The following UFL1 variants were observed in gnomAD, a reference collection of about 807,000 sequenced individuals.
The protein encoded by UFL1 is E3 UFM1-protein ligase 1.
A neutral mutation model predicts 99.3 loss-of-function variants in UFL1; 78 were observed. The observed-to-expected ratio is 0.79, with a 90% CI of 0.65 to 0.95. The LOEUF is 0.95. Ranked by LOEUF, UFL1 falls within the 40% of genes least tolerant of loss-of-function variation. UFL1 has a pLI of 0.00. For missense variants in UFL1, 936 were observed against 937.0 expected, an observed-to-expected ratio of 1.00 and a Z score of 0.01; for synonymous variants, 335 against 322.2, an observed-to-expected ratio of 1.04 and a Z score of -0.42.
At position 96,522,033 on chromosome 6, in the gene UFL1, C is replaced by T. The variant is rs1028559844; in HGVS notation, c.77+83C>T. On this transcript the variant is annotated intron_variant, in intron 1 of 18. Coordinates refer to ENST00000369278, the MANE Select transcript of UFL1 (RefSeq NM_015323.5). ...TGTATCTGGGACTTTAGACCCGCGGCCCTGCATCCCGGGTCTTCTCGCTGC... is the reference window on the plus strand; with the variant it reads ...TGTATCTGGGACTTTAGACCCGCGGTCCTGCATCCCGGGTCTTCTCGCTGC... The T allele has an allele frequency of 8.4e-6, 12 of 1,429,762 alleles. No individual in the cohort carries two copies. The African/African-American group carries it at 1.4e-4, about 17-fold the overall frequency. The allele number at this position is 1,429,762 out of a possible 1,614,324, so 88.6% of individuals were successfully genotyped here.
chr6:96,550,964 C>G (rs1001811854), intron 15 of UFL1, among the ~76,000 whole-genome samples: 2 of 151,966 alleles, frequency 1.3e-5, no homozygotes, highest in African/African-American at 4.8e-5. Context: ...CATAAAACTT[C>G]AGTGGACACT....
intron 6 of UFL1, 112 bp downstream of exon 6, chr6:96,528,744 C>T (rs1769738432): frequency 3.0e-6 from 4 of 1,323,372 alleles, no homozygotes; most frequent in Non-Finnish European, 1.0e-6. Context: ...ATTTAGGACC[C>T]CAGTTTATTA....
chr6:96,540,650 C>T lies in UFL1; in HGVS notation c.1274C>T (p.Ala425Val). Residue 425 changes from alanine to valine, a missense_variant, in exon 11 of 19, where the codon GCA becomes GTA. Coordinates refer to ENST00000369278, the MANE Select transcript of UFL1 (RefSeq NM_015323.5). ...AAAAAAGATGAGCGAAGAAGGAAAG[C>T]AACAGGTAATAAATTGTTAACAAGG... ...KDKKDERRRKATEGSGSMRGG... is the reference protein window; with the variant it reads ...KDKKDERRRKVTEGSGSMRGG... 1 of 1,593,904 alleles carries T rather than the reference C, an allele frequency of 6.3e-7. No homozygotes were observed. Among genetic ancestry groups the T allele is most frequent in the Non-Finnish European group, 8.5e-7 (1 of 1,172,820 alleles).
At chr6:96,540,464 A>G in intron 10 of UFL1, 71 bp from the exon 11 acceptor site, 2 of 1,525,278 alleles carry the variant, frequency 1.3e-6, no homozygotes, top group African/African-American at 2.8e-5. Context: ...ATTAGTGAGT[A>G]TATAAACAAC....
At chr6:96,548,358 T>G in intron 13 of UFL1, 77 bp downstream of exon 13, 1 of 937,396 alleles carries the variant, frequency 1.1e-6, no homozygotes, top group Non-Finnish European at 1.6e-6. Context: ...TCCAAGATCA[T>G]AGAAAGCAAA....
rs1367647451 is a variant in UFL1 at position 96,551,518 on chromosome 6, G to A, written c.1899+5G>A. ...CATAACTCTCTGAATGAAAAGGTAA[G>A]TAAAGTTTTATTCTATTTACATGTC... On this transcript the variant is annotated splice_donor_5th_base_variant and intron_variant, in intron 16 of 18. Transcript: ENST00000369278. 6.6e-7 allele frequency: 1 copy of A among 1,505,982 alleles called. No individual in the cohort carries two copies. Among genetic ancestry groups the A allele is most frequent in the African/African-American group, 1.4e-5 (1 of 69,070 alleles). The allele number at this position is 1,505,982 out of a possible 1,614,324, so 93.3% of individuals were successfully genotyped here.
intron 11 of UFL1, among the ~76,000 whole-genome samples, chr6:96,540,948 T>C (rs543058026): frequency 6.6e-6 from 1 of 151,548 alleles, no homozygotes; most frequent in East Asian, 1.9e-4. Context: ...TTTTTTGTTT[T>C]GTTTTGTTTT....
intron 6 of UFL1, among the ~76,000 whole-genome samples, chr6:96,532,082 T>A (rs1305729641): frequency 2.6e-5 from 4 of 152,198 alleles, no homozygotes; most frequent in African/African-American, 9.7e-5. Context: ...AAGCAGTTAG[T>A]GAGAAGAATG....
At chr6:96,525,804 A>T (rs1040096022) in intron 4 of UFL1, among the ~76,000 whole-genome samples, 1 of 152,140 alleles carries the variant, frequency 6.6e-6, no homozygotes, top group African/African-American at 2.4e-5. Context: ...TATAATCTTA[A>T]CTCTGAAAGC....
Position 96,538,636 on chromosome 6 carries a change from G to T in UFL1, c.984G>T (p.Leu328=). 6.2e-7 allele frequency: 1 copy of T among 1,610,418 alleles called. No homozygotes were observed. Among genetic ancestry groups the T allele is most frequent in the South Asian group, 1.1e-5 (1 of 90,974 alleles). Residue 328 remains leucine (L), a synonymous_variant, in exon 10 of 19, where the codon CTG becomes CTT. Transcript: ENST00000369278. ...SSGTWVDIAP[L]LPTSLSVEDA... ...TATTTTGTTTGTAATTCTAGCCTCT[G>T]CTACCCACTTCTTTATCAGTTGAAG...
intron 1 of UFL1, among the ~76,000 whole-genome samples, 174 bp downstream of exon 1, chr6:96,522,124 G>C (rs1157772736): frequency 6.6e-6 from 1 of 152,156 alleles, no homozygotes; most frequent in Non-Finnish European, 1.5e-5. Context: ...CCAAGGCTCG[G>C]CGGGAAAGTC....
chr6:96,553,672 GAT>G lies in UFL1; in HGVS notation c.*170_*171del, dbSNP rs1269666270. The G allele has an allele frequency of 1.5e-5, 7 of 464,926 alleles. No homozygotes were observed. In the Admixed American group the frequency reaches 2.0e-4, roughly 13 times the overall value. The allele number at this position is 464,926 out of a possible 1,614,324, so 28.8% of individuals were successfully genotyped here. A position where few individuals can be genotyped will look rare whatever the true frequency, so the allele number is the denominator to read the frequency against. Reference sequence around the variant, plus strand: ...TTGTATTAAATGTAAATCTTAAAAAGATGTGAATTTTTGTAAATTGGGTTCTT... The same window carrying G: ...TTGTATTAAATGTAAATCTTAAAAAGGTGAATTTTTGTAAATTGGGTTCTT... On this transcript the variant is annotated 3_prime_UTR_variant, in exon 19 of 19. Coordinates refer to ENST00000369278, the MANE Select transcript of UFL1 (RefSeq NM_015323.5).
At position 96,549,788 on chromosome 6, in the gene UFL1, A is replaced by G; in HGVS notation, c.1807A>G (p.Ile603Val). 2 of 1,611,612 alleles carry G rather than the reference A, an allele frequency of 1.2e-6. No homozygotes were observed. Among genetic ancestry groups the G allele is most frequent in the South Asian group, 2.2e-5 (2 of 90,962 alleles). The change falls in exon 15 of 19, where the codon ATT becomes GTT. Residue 603 changes from isoleucine (I) to valine (V), a missense_variant. Ile to Val is a conservative substitution (Grantham distance 29). Coordinates refer to ENST00000369278, the MANE Select transcript of UFL1 (RefSeq NM_015323.5). The stretch of plus-strand genomic sequence containing the variant: ...GATGGCAGTAGACGATCCTGCAGCC[A>G]TTACAAGTGAAGTATGTTAATGATC... ...LMMAVDDPAA[I>V]TSEIRKKILS...
At chr6:96,535,451 G>A (rs919717333) in intron 7 of UFL1, among the ~76,000 whole-genome samples, 7 of 151,966 alleles carry the variant, frequency 4.6e-5, no homozygotes, top group African/African-American at 1.7e-4. Context: ...CCGCTTCGTG[G>A]TGGTGGTGAT....
intron 3 of UFL1, among the ~76,000 whole-genome samples, chr6:96,524,994 C>G (rs1305057463): frequency 2.0e-5 from 3 of 151,900 alleles, no homozygotes; most frequent in African/African-American, 7.3e-5. Flanking sequence ...CAATACACCT[C>G]TAATTTTTTA....
intron 6 of UFL1, 62 bp from the exon 7 acceptor site, chr6:96,534,201 G>C (rs1383131991): frequency 9.5e-7 from 1 of 1,051,774 alleles, no homozygotes; most frequent in African/African-American, 1.7e-5. Context: ...CTATTTTTAA[G>C]TTCATTAATC....
At chr6:96,526,499 A>G in intron 5 of UFL1, 64 bp downstream of exon 5, 2 of 1,320,146 alleles carry the variant, frequency 1.5e-6, no homozygotes, top group Non-Finnish European at 2.1e-6. Flanking sequence ...AAGACTTTGA[A>G]TGGAAGGGGG....
chr6:96,548,976 TAAAA>T (rs943042136), intron 13 of UFL1, among the ~76,000 whole-genome samples: 3 of 151,630 alleles, frequency 2.0e-5, no homozygotes, highest in Non-Finnish European at 4.4e-5. Context: ...TTTTCACATG[TAAAA>T]AAATGAAATA....
intron 10 of UFL1, among the ~76,000 whole-genome samples, chr6:96,539,518 G>A (rs73757899): frequency 0.028 from 4,195 of 151,648 alleles, 163 homozygotes; most frequent in African/African-American, 0.096. Flanking sequence ...ATAAACTTCT[G>A]TATTTAGCCT....
Sources: allele counts gnomAD v4.1 joint callset (sites outside exome capture counted in the v4.1 genomes callset), GRCh38; gene constraint gnomAD v4.1.1; transcripts MANE v1.5; gene names NCBI Gene and HGNC (gene_info 2026-07-23, HGNC 2026-07-21).